PTPRQ: variants seen among roughly 807,000 people sequenced by gnomAD.
The protein encoded by PTPRQ is protein tyrosine phosphatase receptor type Q.
A neutral mutation model predicts 246.0 loss-of-function variants in PTPRQ; 199 were observed. That is an observed-to-expected ratio of 0.81 (90% confidence interval 0.72 to 0.91). The LOEUF is 0.91. PTPRQ is among the 40% of genes least tolerant of loss of function. PTPRQ has a pLI of 0.00. For missense variants in PTPRQ, 2,624 were observed against 2,528.4 expected, an observed-to-expected ratio of 1.04 and a Z score of -0.81; for synonymous variants, 869 against 853.2, an observed-to-expected ratio of 1.02 and a Z score of -0.32.
At chr12:80,543,337 A>T (rs967731311) in intron 23 of PTPRQ, among the ~76,000 whole-genome samples, 23 of 149,168 alleles carry the variant, frequency 1.5e-4, no homozygotes, top group Non-Finnish European at 2.8e-4. Context: ...ATATATCCTT[A>T]TTTTTTTTTT....
intron 14 of PTPRQ, among the ~76,000 whole-genome samples, chr12:80,502,838 G>A (rs895183061): frequency 2.0e-5 from 3 of 151,946 alleles, no homozygotes; most frequent in African/African-American, 7.2e-5. Flanking sequence ...GGTAAAGTAA[G>A]GTGGGGGAAA....
chr12:80,529,333 G>C (rs1442773193), intron 17 of PTPRQ, among the ~76,000 whole-genome samples: 2 of 152,108 alleles, frequency 1.3e-5, no homozygotes, highest in African/African-American at 4.8e-5. Context: ...GATAATAACT[G>C]ATTAAAGTTT....
chr12:80,459,812 G>A (rs751028640), intron 5 of PTPRQ, among the ~76,000 whole-genome samples: 1 of 152,130 alleles, frequency 6.6e-6, no homozygotes, highest in Non-Finnish European at 1.5e-5. Flanking sequence ...TGTGATGGTG[G>A]CATTCCCGGT....
rs972871555 is a variant in PTPRQ at position 80,573,857 on chromosome 12, A to T, written c.4286-14272A>T. ...CTTTCCATTACATCGATTTCTGATC[A>T]TTATGATTTTCTTGCTTCTAAATAT... On this transcript the variant is annotated intron_variant, in intron 25 of 44. Transcript: ENST00000644991. Among the ~76,000 whole-genome samples, 23 of 152,262 alleles carry T rather than the reference A, an allele frequency of 1.5e-4. 1 individual carries two copies. The East Asian group carries it at 4.4e-3, about 29-fold the overall frequency.
At chr12:80,521,188 G>A (rs529815703) in intron 17 of PTPRQ, among the ~76,000 whole-genome samples, 13 of 152,206 alleles carry the variant, frequency 8.5e-5, no homozygotes, top group Non-Finnish European at 1.9e-4. Context: ...CATATCCTTT[G>A]CCCACGTTTT....
At chr12:80,670,255 A>T in intron 41 of PTPRQ, 89 bp from the exon 42 acceptor site, 1 of 1,497,176 alleles carries the variant, frequency 6.7e-7, no homozygotes, top group Non-Finnish European at 8.9e-7. Flanking sequence ...TTTTTAAAAG[A>T]TCACCTTCAA....
At chr12:80,665,790 A>G (rs1419753813) in intron 39 of PTPRQ, among the ~76,000 whole-genome samples, 1 of 152,044 alleles carries the variant, frequency 6.6e-6, no homozygotes, top group African/African-American at 2.4e-5. Flanking sequence ...AATGAGCTGA[A>G]TGAACATCTC....
At chr12:80,664,238 T>C (rs1209546716) in intron 39 of PTPRQ, among the ~76,000 whole-genome samples, 1 of 152,030 alleles carries the variant, frequency 6.6e-6, no homozygotes, top group African/African-American at 2.4e-5. Context: ...TTCTCCTTCT[T>C]CTTTCTTCTC....
At chr12:80,630,339 C>T (rs1182567227) in intron 33 of PTPRQ, among the ~76,000 whole-genome samples, 1 of 151,936 alleles carries the variant, frequency 6.6e-6, no homozygotes, top group East Asian at 1.9e-4. Flanking sequence ...CTCTTGATGT[C>T]CTTTAATTTT....
intron 14 of PTPRQ, among the ~76,000 whole-genome samples, chr12:80,498,802 C>T (rs1486970219): frequency 6.6e-6 from 1 of 151,872 alleles, no homozygotes; most frequent in Non-Finnish European, 1.5e-5. Context: ...GTTTAAGTGG[C>T]CATAGCATCA....
chr12:80,661,324 A>G (rs903181355), intron 39 of PTPRQ, among the ~76,000 whole-genome samples: 4 of 148,888 alleles, frequency 2.7e-5, no homozygotes, highest in Non-Finnish European at 5.9e-5. Flanking sequence ...TATATAATAT[A>G]AACATATATA....
chr12:80,451,961 G>A (rs1892779232), intron 3 of PTPRQ, among the ~76,000 whole-genome samples: 1 of 18,188 alleles, frequency 5.5e-5, no homozygotes, highest in Non-Finnish European at 1.0e-4. Context: ...GTTGACAGTG[G>A]GGTGTTAAAG....
At chr12:80,530,990 G>C (rs991099563) in intron 17 of PTPRQ, among the ~76,000 whole-genome samples, 1 of 151,900 alleles carries the variant, frequency 6.6e-6, no homozygotes, top group Non-Finnish European at 1.5e-5. Context: ...CAGGATTCAA[G>C]TCCAGCCTAG....
At chr12:80,478,710 C>T (rs953495692) in intron 8 of PTPRQ, among the ~76,000 whole-genome samples, 1 of 152,036 alleles carries the variant, frequency 6.6e-6, no homozygotes, top group Non-Finnish European at 1.5e-5. Context: ...AACCAAGGCT[C>T]GAGAACTACG....
At chr12:80,598,244 G>C (rs925008790) in intron 26 of PTPRQ, among the ~76,000 whole-genome samples, 19 of 151,860 alleles carry the variant, frequency 1.3e-4, no homozygotes, top group African/African-American at 4.6e-4. Flanking sequence ...AATCTAATTA[G>C]AAAACACACT....
At chr12:80,497,898 T>C (rs1387289802) in intron 14 of PTPRQ, among the ~76,000 whole-genome samples, 1 of 152,112 alleles carries the variant, frequency 6.6e-6, no homozygotes, top group African/African-American at 2.4e-5. Flanking sequence ...CCAGATACTA[T>C]ATACGAATTT....
intron 1 of PTPRQ, 99 bp downstream of exon 1, chr12:80,444,498 A>G (rs1892492389): frequency 2.6e-6 from 2 of 774,406 alleles, no homozygotes; most frequent in African/African-American, 1.8e-5. Context: ...ACTAGGATAG[A>G]TAGAAATGCT....
rs193107035 is a variant in PTPRQ, at chr12:80,505,758, T to C, written c.2273-266T>C. Among the ~76,000 whole-genome samples the C allele has an allele frequency of 4.5e-4, 68 of 152,144 alleles. No individual in the cohort carries two copies. In the East Asian group the frequency reaches 0.011, roughly 25 times the overall value. On this transcript the variant is annotated intron_variant, in intron 14 of 44. Coordinates refer to ENST00000644991, the MANE Select transcript of PTPRQ (RefSeq NM_001145026.2). ...TTCTTCAGTGCAAGATATGTTCCTA[T>C]AGTTCCAAGTATTTTAGTAAACGTA...
chr12:80,530,468 T>C (rs1326186579), intron 17 of PTPRQ, among the ~76,000 whole-genome samples: 1 of 152,214 alleles, frequency 6.6e-6, no homozygotes, highest in Non-Finnish European at 1.5e-5. Context: ...ATATCATCTC[T>C]AAATTCAGAA....
Sources: allele counts gnomAD v4.1 joint callset (sites outside exome capture counted in the v4.1 genomes callset), GRCh38; gene constraint gnomAD v4.1.1; transcripts MANE v1.5; gene names NCBI Gene and HGNC (gene_info 2026-07-23, HGNC 2026-07-21).